OPCML: variants seen among roughly 807,000 people sequenced by gnomAD.
The protein encoded by OPCML is opioid binding protein/cell adhesion molecule like, also known as opioid-binding protein/cell adhesion molecule.
Under a neutral mutation model 37.8 loss-of-function variants are expected in OPCML, and 13 were observed. That is an observed-to-expected ratio of 0.34 (90% CI 0.22 to 0.55). The LOEUF (loss-of-function observed/expected upper bound fraction) is 0.55. Among genes scored for constraint, OPCML ranks in the 20% least tolerant of loss-of-function variants. The pLI, the probability that OPCML is intolerant of heterozygous loss-of-function variation, is 0.91. For synonymous variants in OPCML, 176 were observed against 168.8 expected, an observed-to-expected ratio of 1.04 and a Z score of -0.33; for missense variants, 341 against 435.6, an observed-to-expected ratio of 0.78 and a Z score of 1.93.
chr11:133,114,237 A>G (rs557139597), intron 1 of OPCML, among the ~76,000 whole-genome samples: 1 of 152,282 alleles, frequency 6.6e-6, no homozygotes, highest in East Asian at 1.9e-4. Context: ...AGGCACCCAC[A>G]GCCAGACTCC....
chr11:132,994,594 A>G (rs998996284), intron 1 of OPCML, among the ~76,000 whole-genome samples: 1 of 152,082 alleles, frequency 6.6e-6, no homozygotes, highest in African/African-American at 2.4e-5. Context: ...AGCGTTTGCA[A>G]TCCCTCATGG....
At chr11:132,465,261 A>C (rs901467046) in intron 4 of OPCML, among the ~76,000 whole-genome samples, 12 of 152,068 alleles carry the variant, frequency 7.9e-5, no homozygotes, top group Admixed American at 4.6e-4. Context: ...TACTCATTAA[A>C]ATGTAGTGAA....
chr11:133,105,346 A>G (rs1472559614), intron 1 of OPCML, among the ~76,000 whole-genome samples: 2 of 152,200 alleles, frequency 1.3e-5, no homozygotes, highest in East Asian at 1.9e-4. Flanking sequence ...TGTAAACAAG[A>G]TTTTTATAAT....
At chr11:132,517,465 G>A (rs149825519) in intron 4 of OPCML, among the ~76,000 whole-genome samples, 287 of 152,272 alleles carry the variant, frequency 1.9e-3, no homozygotes, top group African/African-American at 6.0e-3. Context: ...AAATTAAAGT[G>A]CATTATCTCC....
chr11:133,531,771 GAA>G (rs977260914), intron 1 of OPCML, among the ~76,000 whole-genome samples: 1 of 148,964 alleles, frequency 6.7e-6, no homozygotes, highest in African/African-American at 2.5e-5. Flanking sequence ...GAGAGAGAGA[GAA>G]AAGAAACAGA....
intron 2 of OPCML, among the ~76,000 whole-genome samples, chr11:132,757,975 A>G (rs1048585094): frequency 4.1e-4 from 62 of 152,258 alleles, no homozygotes; most frequent in African/African-American, 1.4e-3. Context: ...TAATCTTTGT[A>G]TAAGGTATAA....
intron 2 of OPCML, among the ~76,000 whole-genome samples, chr11:132,714,722 C>T (rs1033934519): frequency 2.0e-5 from 3 of 152,042 alleles, no homozygotes; most frequent in African/African-American, 7.2e-5. Context: ...AAATTAGCAC[C>T]CCTGCGGCCT....
chr11:133,311,172 C>A (rs1277233487), intron 1 of OPCML, among the ~76,000 whole-genome samples: 3 of 152,168 alleles, frequency 2.0e-5, no homozygotes, highest in Admixed American at 6.5e-5. Context: ...GCCAACACTT[C>A]AGGGAAAAAC....
chr11:133,133,912 A>G (rs549702159), intron 1 of OPCML, among the ~76,000 whole-genome samples: 1 of 152,296 alleles, frequency 6.6e-6, no homozygotes, highest in East Asian at 1.9e-4. Context: ...AAAGCTGTTC[A>G]AGTTGTTAAT....
intron 2 of OPCML, among the ~76,000 whole-genome samples, chr11:132,813,179 T>A (rs1939444725): frequency 6.6e-6 from 1 of 152,216 alleles, no homozygotes; most frequent in African/African-American, 2.4e-5. Flanking sequence ...TTTGATGATA[T>A]CTTCAGGATA....
At chr11:132,500,611 C>T (rs894748757) in intron 4 of OPCML, among the ~76,000 whole-genome samples, 1 of 152,040 alleles carries the variant, frequency 6.6e-6, no homozygotes, top group Admixed American at 6.6e-5. Flanking sequence ...GCAGAAGGTG[C>T]AGATTTGTTA....
chr11:132,504,743 G>GC (rs1226797109), intron 4 of OPCML, among the ~76,000 whole-genome samples: 3 of 152,148 alleles, frequency 2.0e-5, no homozygotes, highest in African/African-American at 7.2e-5. Flanking sequence ...CACAGGGTAA[G>GC]CGTGGCCTTT....
chr11:132,647,787 A>C (rs954582701), intron 3 of OPCML, among the ~76,000 whole-genome samples: 1 of 152,182 alleles, frequency 6.6e-6, no homozygotes, highest in African/African-American at 2.4e-5. Flanking sequence ...CATATGGTTC[A>C]AGGGTCAACC....
intron 1 of OPCML, among the ~76,000 whole-genome samples, chr11:133,496,331 T>C (rs1292115415): frequency 6.6e-6 from 1 of 152,218 alleles, no homozygotes; most frequent in African/African-American, 2.4e-5. Context: ...AATCAGGTAG[T>C]GTGACGCCTC....
intron 1 of OPCML, among the ~76,000 whole-genome samples, chr11:133,109,988 C>T (rs1949225234): frequency 6.6e-6 from 1 of 152,196 alleles, no homozygotes; most frequent in African/African-American, 2.4e-5. Flanking sequence ...GGACATTTGA[C>T]AATCTCTAGA....
At chr11:133,333,456 G>C (rs7113920) in intron 1 of OPCML, among the ~76,000 whole-genome samples, 1,561 of 152,128 alleles carry the variant, frequency 0.01, 27 homozygotes, top group African/African-American at 0.035. Context: ...GAAGATTGAA[G>C]CTGGACCGCT....
At chr11:132,983,044 T>C (rs1946619861) in intron 1 of OPCML, among the ~76,000 whole-genome samples, 1 of 152,238 alleles carries the variant, frequency 6.6e-6, no homozygotes, top group Admixed American at 6.5e-5. Flanking sequence ...TGATGGCTTT[T>C]TGAATGAAGC....
At position 133,206,872 on chromosome 11, in the gene OPCML, G is replaced by C. The variant is rs1436442184; in HGVS notation, c.62-263862C>G. Among the ~76,000 whole-genome samples, 3 of 152,194 alleles carry C rather than the reference G, an allele frequency of 2.0e-5. No individual in the cohort carries two copies. The highest frequency in any genetic ancestry group is 4.4e-5 in the Non-Finnish European group (3 of 68,032). On this transcript the variant is annotated intron_variant, in intron 1 of 7. Transcript: ENST00000524381. This position sits in a 1 kb window ranked among gnomAD's most constrained non-coding sequence, Gnocchi z 4.7. ...GCTACGGTGACCTATTCATGTCTTAGGACGGGTAGGTGGAGGGAGCCTGGG... is the reference window on the plus strand; with the variant it reads ...GCTACGGTGACCTATTCATGTCTTACGACGGGTAGGTGGAGGGAGCCTGGG...
chr11:132,778,408 A>G (rs753145345), intron 2 of OPCML, among the ~76,000 whole-genome samples: 2 of 152,236 alleles, frequency 1.3e-5, no homozygotes, highest in South Asian at 4.1e-4. Flanking sequence ...CGATACTAAG[A>G]GACATGGAAG....
Sources: allele counts gnomAD v4.1 joint callset (sites outside exome capture counted in the v4.1 genomes callset), GRCh38; gene constraint gnomAD v4.1.1; non-coding constraint Gnocchi (gnomAD v3.1); transcripts MANE v1.5; gene names NCBI Gene and HGNC (gene_info 2026-07-23, HGNC 2026-07-21).